The following BAZ1B variants were observed in gnomAD, a reference collection of about 807,000 sequenced individuals.
The protein encoded by BAZ1B is bromodomain adjacent to zinc finger domain 1B.
A neutral mutation model predicts 153.8 loss-of-function variants in BAZ1B; 22 were observed. That is an observed-to-expected ratio of 0.14 (90% CI 0.10 to 0.20). The LOEUF (loss-of-function observed/expected upper bound fraction) is 0.20. Ranked by LOEUF, BAZ1B falls within the 10% of genes least tolerant of loss-of-function variation. BAZ1B has a pLI of 1.00. For missense variants in BAZ1B, 1,325 were observed against 1,799.3 expected (o/e 0.74, Z 4.77); for synonymous variants, 676 against 633.4 (o/e 1.07, Z -1.01).
At chr7:73,514,731 A>T (rs782037634) in intron 1 of BAZ1B, among the ~76,000 whole-genome samples, 1 of 151,992 alleles carries the variant, frequency 6.6e-6, no homozygotes, top group African/African-American at 2.4e-5. Context: ...ACTTGAGCCC[A>T]GGAGGTGGAG....
At chr7:73,489,075 A>G (rs1309663258) in intron 6 of BAZ1B, 119 bp downstream of exon 6, 2 of 1,087,436 alleles carry the variant, frequency 1.8e-6, no homozygotes, top group Admixed American at 5.3e-5. Flanking sequence ...TACCTGAAAA[A>G]TTTTTAATTC....
intron 7 of BAZ1B, among the ~76,000 whole-genome samples, chr7:73,470,843 C>T (rs1008043605): frequency 6.6e-6 from 1 of 152,200 alleles, no homozygotes; most frequent in Non-Finnish European, 1.5e-5. Context: ...TCAAGCAATT[C>T]TCCCGCCTCA....
chr7:73,481,516 C>CAAA (rs55689155), intron 6 of BAZ1B, among the ~76,000 whole-genome samples: 2 of 55,070 alleles, frequency 3.6e-5, no homozygotes, highest in Admixed American at 4.1e-4. Flanking sequence ...GACTCCATCT[C>CAAA]AAAAAAAAAA....
intron 9 of BAZ1B, 51 bp downstream of exon 9, chr7:73,469,466 G>C: frequency 6.9e-6 from 11 of 1,601,734 alleles, no homozygotes; most frequent in South Asian, 1.1e-5. Flanking sequence ...CCTTAATGTT[G>C]AGCCCACTTG....
intron 2 of BAZ1B, among the ~76,000 whole-genome samples, chr7:73,509,693 A>C (rs1790497382): frequency 4.0e-5 from 6 of 151,760 alleles, no homozygotes; most frequent in African/African-American, 1.5e-4. Context: ...AACAGAGCGA[A>C]ACTGTGCCTC....
At chr7:73,499,908 T>C (rs1373795064) in intron 3 of BAZ1B, among the ~76,000 whole-genome samples, 1 of 152,238 alleles carries the variant, frequency 6.6e-6, no homozygotes, top group Non-Finnish European at 1.5e-5. Context: ...TTTTATTCTA[T>C]GTGTTTCTCT....
At chr7:73,461,964 G>C (rs1554570441) in intron 12 of BAZ1B, among the ~76,000 whole-genome samples, 1 of 152,188 alleles carries the variant, frequency 6.6e-6, no homozygotes, top group Non-Finnish European at 1.5e-5. Flanking sequence ...ACAGGGTCTT[G>C]CTATGTTGCC....
chr7:73,456,828 C>G (rs1464167904), intron 13 of BAZ1B, among the ~76,000 whole-genome samples: 2 of 151,148 alleles, frequency 1.3e-5, no homozygotes, highest in Non-Finnish European at 2.9e-5. Flanking sequence ...CGCCTATAGT[C>G]TCAGCTACTT....
At chr7:73,502,283 CAATA>C (rs1432980988) in intron 3 of BAZ1B, among the ~76,000 whole-genome samples, 4 of 152,082 alleles carry the variant, frequency 2.6e-5, no homozygotes, top group African/African-American at 9.7e-5. Flanking sequence ...AGCCGGTCAT[CAATA>C]AATATCTGGG....
intron 13 of BAZ1B, 80 bp from the exon 14 acceptor site, chr7:73,451,074 G>A (rs1554568065): frequency 7.3e-6 from 11 of 1,514,430 alleles, no homozygotes; most frequent in Non-Finnish European, 9.9e-6. Flanking sequence ...GGGACAGTAT[G>A]AGAGAATTCT....
intron 7 of BAZ1B, among the ~76,000 whole-genome samples, chr7:73,471,502 C>T (rs1554571994): frequency 6.6e-6 from 1 of 152,154 alleles, no homozygotes; most frequent in African/African-American, 2.4e-5. Context: ...TACAATGTCA[C>T]AATTTTTAAG....
chr7:73,454,353 C>T (rs1358954394), intron 13 of BAZ1B, among the ~76,000 whole-genome samples: 1 of 151,892 alleles, frequency 6.6e-6, no homozygotes, highest in African/African-American at 2.4e-5. Flanking sequence ...AAACTAAATC[C>T]CAGCAAGATA....
At chr7:73,511,380 AT>A (rs1231046316) in intron 1 of BAZ1B, among the ~76,000 whole-genome samples, 4 of 152,006 alleles carry the variant, frequency 2.6e-5, no homozygotes, top group Non-Finnish European at 5.9e-5. Flanking sequence ...CCTGCATGGG[AT>A]TTACAGACTG....
intron 9 of BAZ1B, 32 bp from the exon 10 acceptor site, chr7:73,466,433 A>G (rs1554571177): frequency 4.8e-6 from 7 of 1,468,746 alleles, no homozygotes; most frequent in Non-Finnish European, 6.7e-6. Flanking sequence ...GGTTGACTTT[A>G]GTAAATACCC....
chr7:73,443,006 C>T (rs1308406571), intron 17 of BAZ1B, among the ~76,000 whole-genome samples, 178 bp from the exon 18 acceptor site: 3 of 152,222 alleles, frequency 2.0e-5, no homozygotes, highest in African/African-American at 7.2e-5. Context: ...AGGTGGCAGG[C>T]ATCTTCCCAG....
intron 4 of BAZ1B, among the ~76,000 whole-genome samples, chr7:73,496,988 A>T (rs1789929194): frequency 6.6e-6 from 1 of 150,818 alleles, no homozygotes; most frequent in South Asian, 2.1e-4. Context: ...TTCAAAAAAA[A>T]GAGGTCAAGG....
At chr7:73,472,401 G>A (rs1408148249) in intron 7 of BAZ1B, among the ~76,000 whole-genome samples, 7 of 152,080 alleles carry the variant, frequency 4.6e-5, no homozygotes, top group African/African-American at 1.7e-4. Context: ...TGGGATTACA[G>A]GCATGTGTCA....
chr7:73,485,182 C>T (rs1176808419), intron 6 of BAZ1B, among the ~76,000 whole-genome samples: 7 of 152,074 alleles, frequency 4.6e-5, no homozygotes, highest in East Asian at 1.9e-4. Context: ...GATCCTCCCA[C>T]CTCAGCCTCC....
chr7:73,443,307 C>A (rs896810674), intron 17 of BAZ1B, among the ~76,000 whole-genome samples: 1 of 152,150 alleles, frequency 6.6e-6, no homozygotes, highest in Non-Finnish European at 1.5e-5. Context: ...CCTTCCTGGG[C>A]TCTTCCACCG....
Sources: gnomAD v4.1 joint callset for allele counts (sites outside exome capture counted in the v4.1 genomes callset) on GRCh38, gnomAD v4.1.1 for gene constraint, MANE v1.5 for transcripts, NCBI Gene and HGNC (gene_info 2026-07-23, HGNC 2026-07-21) for gene names.